Variants in PARN observed in about 807,000 individuals in gnomAD.
PARN encodes poly(A)-specific ribonuclease.
PARN carries 71 observed loss-of-function variants against 102.8 expected under a neutral mutation model. That is an observed-to-expected ratio of 0.69 (90% CI 0.57 to 0.84). PARN has a LOEUF of 0.84. Among genes scored for constraint, PARN ranks in the 40% least tolerant of loss-of-function variants. The probability of loss-of-function intolerance (pLI) is 0.00; values close to 1 mark genes in which losing one functional copy is unlikely to be tolerated. For missense variants in PARN, 782 were observed against 760.9 expected (o/e 1.03, Z -0.33); for synonymous variants, 261 against 252.9 (o/e 1.03, Z -0.30).
chr16:14,597,614 G>A (rs988141593), intron 12 of PARN, among the ~76,000 whole-genome samples: 4 of 151,550 alleles, frequency 2.6e-5, no homozygotes, highest in African/African-American at 4.9e-5. Context: ...GGAGAATGGC[G>A]TGAACCCAGG....
intron 22 of PARN, among the ~76,000 whole-genome samples, chr16:14,478,648 T>C (rs1429530655): frequency 2.0e-5 from 3 of 152,172 alleles, no homozygotes; most frequent in Admixed American, 6.5e-5. Context: ...CTGGAAAAGA[T>C]GTAAAACTTG....
intron 23 of PARN, among the ~76,000 whole-genome samples, chr16:14,440,507 T>A (rs1164097201): frequency 6.6e-6 from 1 of 152,204 alleles, no homozygotes; most frequent in East Asian, 1.9e-4. Context: ...CCTAGATATT[T>A]ACCCAAAGAA....
At chr16:14,444,928 C>T (rs1961128543) in intron 23 of PARN, among the ~76,000 whole-genome samples, 1 of 152,132 alleles carries the variant, frequency 6.6e-6, no homozygotes, top group Non-Finnish European at 1.5e-5. Flanking sequence ...AAGCGATCCT[C>T]CCGATTCAGC....
chr16:14,569,953 A>G, intron 18 of PARN, among the ~76,000 whole-genome samples: 1 of 152,248 alleles, frequency 6.6e-6, no homozygotes, highest in East Asian at 1.9e-4. Context: ...AAAAAAATTA[A>G]TAACGTAATA....
chr16:14,458,652 C>A (rs1961802285), intron 22 of PARN, among the ~76,000 whole-genome samples: 1 of 152,096 alleles, frequency 6.6e-6, no homozygotes. Context: ...CAGATTCACC[C>A]AATTAAGCCA....
intron 18 of PARN, among the ~76,000 whole-genome samples, chr16:14,565,903 T>C (rs888293843): frequency 3.9e-5 from 6 of 152,216 alleles, no homozygotes; most frequent in African/African-American, 1.4e-4. Flanking sequence ...ATACTGTGCA[T>C]AGTGGAAGGT....
chr16:14,622,335 A>G (rs1419603315), intron 5 of PARN, among the ~76,000 whole-genome samples: 1 of 152,260 alleles, frequency 6.6e-6, no homozygotes, highest in Non-Finnish European at 1.5e-5. Context: ...ATTCTTACAC[A>G]TACAAAAAGA....
chr16:14,554,341 G>C (rs1302588229), intron 19 of PARN, among the ~76,000 whole-genome samples, 190 bp from the exon 20 acceptor site: 1 of 152,172 alleles, frequency 6.6e-6, no homozygotes, highest in African/African-American at 2.4e-5. Flanking sequence ...CTCAGGTTCT[G>C]ATACTTTACA....
intron 21 of PARN, among the ~76,000 whole-genome samples, chr16:14,490,318 A>G (rs866288018): frequency 6.6e-6 from 1 of 152,180 alleles, no homozygotes; most frequent in South Asian, 2.1e-4. Context: ...CAAAGATTAC[A>G]TGTGTAGGCT....
chr16:14,615,908 A>AAT (rs1331205497), intron 6 of PARN, among the ~76,000 whole-genome samples: 1 of 151,968 alleles, frequency 6.6e-6, no homozygotes, highest in East Asian at 1.9e-4. Context: ...CTCAAAAAAA[A>AAT]AAAAAAAACA....
At chr16:14,563,692 C>T (rs1968247541) in intron 18 of PARN, among the ~76,000 whole-genome samples, 1 of 150,204 alleles carries the variant, frequency 6.7e-6, no homozygotes, top group Non-Finnish European at 1.5e-5. Context: ...CACACCACCG[C>T]ACCTGGCTTT....
intron 21 of PARN, among the ~76,000 whole-genome samples, chr16:14,518,152 A>G (rs1490427794): frequency 6.6e-6 from 1 of 151,922 alleles, no homozygotes; most frequent in African/African-American, 2.4e-5. Flanking sequence ...AATAAAAATA[A>G]TACAAATTAA....
At chr16:14,557,861 G>A (rs997225355) in intron 18 of PARN, among the ~76,000 whole-genome samples, 4 of 152,150 alleles carry the variant, frequency 2.6e-5, no homozygotes, top group Non-Finnish European at 5.9e-5. Flanking sequence ...CACCTAGCAT[G>A]GTGGGTTCTC....
rs1019140760 is a variant in PARN at position 14,617,764 on chromosome 16, G to A, written c.328-114C>T. Reference sequence around the variant, plus strand: ...AAAGACAATATGGGAAGGAAGCGATGTGCCAGAGGTCACAATACAAGGAAT... The same window carrying A: ...AAAGACAATATGGGAAGGAAGCGATATGCCAGAGGTCACAATACAAGGAAT... On this transcript the variant is annotated intron_variant, in intron 5 of 23. Transcript: ENST00000437198. The A allele has an allele frequency of 5.7e-6, 4 of 699,038 alleles. No homozygotes were observed. In the Admixed American group the frequency reaches 9.3e-5, roughly 16 times the overall value. 43.3% of individuals were successfully genotyped at this position (699,038 alleles called of 1,614,324 possible). A position where few individuals can be genotyped will look rare whatever the true frequency, so the allele number is the denominator to read the frequency against.
intron 22 of PARN, among the ~76,000 whole-genome samples, chr16:14,471,734 A>T (rs1962755459): frequency 6.6e-6 from 1 of 152,172 alleles, no homozygotes; most frequent in African/African-American, 2.4e-5. Flanking sequence ...TAAGAACCTC[A>T]TATAAGTGAA....
Position 14,599,897 on chromosome 16 carries a change from CA to C in PARN, c.840+6del, listed in dbSNP as rs531994703. 7.2e-4 allele frequency: 1,138 copies of C among 1,585,782 alleles called. 8 individuals are homozygous for C. The African/African-American group carries it at 0.014, about 19-fold the overall frequency. ...TGCAATCTTGCTAAAAAGTCTGGCT[CA>C]CTTACCGAATTAGCAATGGCGTGAA... On this transcript the variant is annotated splice_donor_region_variant and intron_variant, in intron 12 of 23. Coordinates refer to ENST00000437198, the MANE Select transcript of PARN (RefSeq NM_002582.4).
chr16:14,570,455 G>A (rs1319020574), intron 18 of PARN, among the ~76,000 whole-genome samples: 1 of 150,862 alleles, frequency 6.6e-6, no homozygotes, highest in Non-Finnish European at 1.5e-5. Flanking sequence ...TTCGAGACCA[G>A]CCTGCCCAAC....
At chr16:14,518,500 C>T (rs1392261145) in intron 21 of PARN, among the ~76,000 whole-genome samples, 1 of 151,478 alleles carries the variant, frequency 6.6e-6, no homozygotes, top group African/African-American at 2.4e-5. Context: ...TTACTACTGT[C>T]GTACTACTAT....
chr16:14,563,160 T>C (rs1463973135), intron 18 of PARN, among the ~76,000 whole-genome samples: 1 of 152,232 alleles, frequency 6.6e-6, no homozygotes, highest in Admixed American at 6.5e-5. Flanking sequence ...TTACCAAATC[T>C]ATCTACAAAA....
Sources: allele counts gnomAD v4.1 joint callset (sites outside exome capture counted in the v4.1 genomes callset), GRCh38; gene constraint gnomAD v4.1.1; transcripts MANE v1.5; gene names NCBI Gene and HGNC (gene_info 2026-07-23, HGNC 2026-07-21).